Variants in IST1 observed in about 807,000 individuals in gnomAD.
IST1 encodes IST1 homolog.
A neutral mutation model predicts 37.0 loss-of-function variants in IST1; 23 were observed. The observed-to-expected ratio is 0.62, with a 90% confidence interval of 0.45 to 0.88. The LOEUF is 0.88. Among genes scored for constraint, IST1 ranks in the 40% least tolerant of loss-of-function variants. The probability of loss-of-function intolerance (pLI) is 0.00; values close to 1 mark genes in which losing one functional copy is unlikely to be tolerated. For missense variants in IST1, 488 were observed against 445.4 expected (o/e 1.10, Z -0.86); for synonymous variants, 180 against 161.7 (o/e 1.11, Z -0.86).
chr16:71,910,930 G>GTCC (rs1555509604), intron 1 of IST1, among the ~76,000 whole-genome samples: 1 of 152,000 alleles, frequency 6.6e-6, no homozygotes, highest in Non-Finnish European at 1.5e-5. Flanking sequence ...TTATATATGT[G>GTCC]TATAAAGTAG....
intron 1 of IST1, among the ~76,000 whole-genome samples, chr16:71,912,121 T>G (rs1567466472): frequency 6.6e-6 from 1 of 152,142 alleles, no homozygotes; most frequent in Non-Finnish European, 1.5e-5. Context: ...TAGAATAATC[T>G]CCATTGCAGA....
chr16:71,914,758 G>T (rs1012310069), intron 1 of IST1, among the ~76,000 whole-genome samples: 2 of 152,120 alleles, frequency 1.3e-5, no homozygotes, highest in African/African-American at 2.4e-5. Flanking sequence ...GTGCTCTTTT[G>T]ATTTGTCTGT....
At position 71,929,922 on chromosome 16, in the gene IST1, C is replaced by A. The variant is rs1158557520; in HGVS notation, c.*2109C>A. On this transcript the variant is annotated 3_prime_UTR_variant, in exon 10 of 10. Transcript: ENST00000378799. Reference sequence around the variant, plus strand: ...TTTCCTAGGAAGATAGCTGGCAGAGCTTTTGAAACTAATAAAGGGAATATG... The same window carrying A: ...TTTCCTAGGAAGATAGCTGGCAGAGATTTTGAAACTAATAAAGGGAATATG... 2.5e-6 allele frequency: 3 copies of A among 1,198,446 alleles called. No homozygotes were observed. The highest frequency in any genetic ancestry group is 3.4e-6 in the Non-Finnish European group (3 of 878,020). The allele number at this position is 1,198,446 out of a possible 1,614,324, so 74.2% of individuals were successfully genotyped here.
chr16:71,902,705 T>C (rs1336329832), intron 1 of IST1, among the ~76,000 whole-genome samples: 1 of 152,252 alleles, frequency 6.6e-6, no homozygotes, highest in Non-Finnish European at 1.5e-5. Context: ...TTGGTTATAA[T>C]ATCGCCTTTA....
Position 71,922,499 on chromosome 16 carries a change from C to T in IST1, c.578C>T (p.Thr193Ile). 6.2e-7 allele frequency: 1 copy of T among 1,614,128 alleles called. No homozygotes were observed. The highest frequency in any genetic ancestry group is 8.5e-7 in the Non-Finnish European group (1 of 1,180,022). ...GCAGAAGCTCCTCCTGGGGTAGAGACAGATCTTATTGATGTTGGATTCACA... is the reference window on the plus strand; with the variant it reads ...GCAGAAGCTCCTCCTGGGGTAGAGATAGATCTTATTGATGTTGGATTCACA... ...VMAEAPPGVE[T>I]DLIDVGFTDD... The change falls in exon 7 of 10, where the codon ACA (threonine) becomes ATA (isoleucine). Residue 193 changes from threonine to isoleucine, a missense_variant. Thr to Ile is a moderately conservative substitution (Grantham distance 89, BLOSUM62 -1). This residue lies in a region of IST1 where 455 missense variants were observed against 386.2 expected (regional missense o/e 1.18). Coordinates refer to ENST00000378799, the MANE Select transcript of IST1 (RefSeq NM_001270975.2).
intron 3 of IST1, 45 bp from the exon 4 acceptor site, chr16:71,917,002 T>C (rs1401266365): frequency 1.6e-6 from 2 of 1,264,660 alleles, no homozygotes; most frequent in Non-Finnish European, 2.3e-6. Context: ...AGGATTTTGT[T>C]GGTTTGTTTT....
chr16:71,929,458 A>T lies in IST1; in HGVS notation c.*1645A>T. The T allele has an allele frequency of 1.2e-5, 16 of 1,328,172 alleles. No homozygotes were observed. Among genetic ancestry groups the T allele is most frequent in the Non-Finnish European group, 1.6e-5 (16 of 991,680 alleles). 82.3% of individuals were successfully genotyped at this position (1,328,172 alleles called of 1,614,324 possible). Reference sequence around the variant, plus strand: ...ACTTACAGAATTAAAAACAAAGTATATTATAATTTTAAAGCTATGCCATGC... The same window carrying T: ...ACTTACAGAATTAAAAACAAAGTATTTTATAATTTTAAAGCTATGCCATGC... On this transcript the variant is annotated 3_prime_UTR_variant, in exon 10 of 10. Transcript: ENST00000378799.
At chr16:71,919,039 T>G (rs1597251171) in intron 4 of IST1, among the ~76,000 whole-genome samples, 1 of 152,206 alleles carries the variant, frequency 6.6e-6, no homozygotes, top group African/African-American at 2.4e-5. Flanking sequence ...ATTCCTACTT[T>G]GGCTTCTTTT....
rs185574683 is a variant in IST1 at position 71,897,758 on chromosome 16, C to A, written c.-16+2169C>A. ...GTCAGGAGTTTGAGACCAGCCTGGA[C>A]AACATGGTGAAACCCTGTCTCTACT... On this transcript the variant is annotated intron_variant, in intron 1 of 9. Transcript: ENST00000378799. Among the ~76,000 whole-genome samples, 45 of 151,878 alleles carry A rather than the reference C, an allele frequency of 3.0e-4. No homozygotes were observed. In the East Asian group the frequency reaches 8.0e-3, roughly 27 times the overall value.
At position 71,922,628 on chromosome 16, in the gene IST1, TGCC is replaced by T; in HGVS notation, c.708_710del (p.Met236_Pro237delinsIle). 6.4e-7 allele frequency: 1 copy of T among 1,555,116 alleles called. No individual in the cohort carries two copies. On this transcript the variant is annotated inframe_deletion, in exon 7 of 10. Transcript: ENST00000378799. ...GTGCCAATGCCCATGCCCATGCCCA[TGCC>T]TATGCCATCTGCAAATACGCCTTTC...
chr16:71,905,100 G>C (rs774873094), intron 1 of IST1, among the ~76,000 whole-genome samples: 1 of 150,104 alleles, frequency 6.7e-6, no homozygotes, highest in Non-Finnish European at 1.5e-5. Flanking sequence ...TAGTGGCGTG[G>C]TCTCAGCTCA....
Position 71,910,019 on chromosome 16 carries a change from G to A in IST1, c.-15-5607G>A, listed in dbSNP as rs187965722. ...ACTACTGATAAAAATAAATTGTGTG[G>A]GAGTTGATTTGTTATCTTGGTTATA... is the stretch of plus-strand genomic sequence containing the variant. On this transcript the variant is annotated intron_variant, in intron 1 of 9. Transcript: ENST00000378799. Among the ~76,000 whole-genome samples the A allele has an allele frequency of 3.2e-4, 48 of 152,168 alleles. 1 individual carries two copies. Among genetic ancestry groups the A allele is most frequent in the African/African-American group, 1.0e-3 (42 of 41,522 alleles).
chr16:71,896,229 C>T lies in IST1; in HGVS notation c.-16+640C>T, dbSNP rs1193965878. Among the ~76,000 whole-genome samples the T allele has an allele frequency of 9.2e-5, 14 of 152,024 alleles. 1 individual carries two copies. Among genetic ancestry groups the T allele is most frequent in the African/African-American group, 2.4e-5 (1 of 41,390 alleles). ...TTGCGCCTCTCCTCTTTGTTTTTCT[C>T]GGTGCTCTTCTTCCGGGGTGCTGGA... On this transcript the variant is annotated intron_variant, in intron 1 of 9. Coordinates refer to ENST00000378799, the MANE Select transcript of IST1 (RefSeq NM_001270975.2).
chr16:71,898,243 G>T (rs982827240), intron 1 of IST1, among the ~76,000 whole-genome samples: 2 of 151,120 alleles, frequency 1.3e-5, no homozygotes, highest in African/African-American at 4.9e-5. Context: ...CAGGTGTGGT[G>T]GTGGGCACCT....
Position 71,922,559 on chromosome 16 carries a change from G to A in IST1, c.638G>A (p.Gly213Glu), listed in dbSNP as rs1002192912. The change falls in exon 7 of 10, where the codon GGG (glycine) becomes GAG (glutamate). Residue 213 changes from glycine (G) to glutamate (E), a missense_variant. Gly to Glu is a moderately conservative substitution (Grantham distance 98). Transcript: ENST00000378799. ...AAGAAAGGAGGCCCTGGAAGAGGAG[G>A]GAGTGGTGGCTTCACAGCACCAGTT... ...DVKKGGPGRG[G>E]SGGFTAPVGG... is the part of the protein sequence containing the mutation. 3 of 1,614,080 alleles carry A rather than the reference G, an allele frequency of 1.9e-6. No individual in the cohort carries two copies. Among genetic ancestry groups the A allele is most frequent in the Middle Eastern group, 1.6e-4 (1 of 6,084 alleles).
intron 1 of IST1, among the ~76,000 whole-genome samples, chr16:71,910,826 GAGA>G (rs1453047795): frequency 4.0e-5 from 6 of 150,930 alleles, no homozygotes; most frequent in African/African-American, 7.4e-5. Flanking sequence ...GAGTATAAAA[GAGA>G]AAATACTGAG....
At chr16:71,899,737 C>T (rs957013307) in intron 1 of IST1, among the ~76,000 whole-genome samples, 3 of 150,158 alleles carry the variant, frequency 2.0e-5, no homozygotes, top group Non-Finnish European at 3.0e-5. Context: ...ATTAGCTGGG[C>T]GAACAGCCGG....
intron 9 of IST1, among the ~76,000 whole-genome samples, chr16:71,925,326 T>C (rs2037715622): frequency 6.7e-6 from 1 of 148,206 alleles, no homozygotes; most frequent in Non-Finnish European, 1.5e-5. Context: ...ATTTTTTTTT[T>C]TTTTTTTTGA....
At chr16:71,912,767 CT>C (rs1476067608) in intron 1 of IST1, among the ~76,000 whole-genome samples, 1 of 152,176 alleles carries the variant, frequency 6.6e-6, no homozygotes, top group Non-Finnish European at 1.5e-5. Flanking sequence ...CTGTTTCCCC[CT>C]ACTCCCGGAC....
Sources: gnomAD v4.1 joint callset for allele counts (sites outside exome capture counted in the v4.1 genomes callset) on GRCh38, gnomAD v4.1.1 for gene constraint, gnomAD v4.1.1 regional missense constraint, MANE v1.5 for transcripts, NCBI Gene and HGNC (gene_info 2026-07-23, HGNC 2026-07-21) for gene names.